CTNNA2: variants seen among roughly 807,000 people sequenced by gnomAD.
CTNNA2 encodes the protein catenin alpha-2.
In CTNNA2, 42 loss-of-function variants were observed where a neutral mutation model predicts 101.0. The ratio of observed to expected loss-of-function variants is 0.42; its 90% CI spans 0.32 to 0.54. The LOEUF is 0.54. Among genes scored for constraint, CTNNA2 ranks in the 20% least tolerant of loss-of-function variants. CTNNA2 has a pLI of 0.14. For synonymous variants in CTNNA2, 450 were observed against 456.4 expected (o/e 0.99, Z 0.18); for missense variants, 871 against 1,223.1 (o/e 0.71, Z 4.29).
rs1300072225 is a variant in CTNNA2, at chr2:80,363,860, C to T, written c.1057-29351C>T. 6.6e-5 allele frequency among the ~76,000 whole-genome samples: 10 copies of T among 152,190 alleles called. No individual in the cohort carries two copies. The East Asian group carries it at 1.9e-3, about 29-fold the overall frequency. ...AATTTATATCAACCATTCATTAATC[C>T]CATTTCCCTTCTCCCAATACCATTA... On this transcript the variant is annotated intron_variant, in intron 7 of 18. Coordinates refer to ENST00000402739, the MANE Select transcript of CTNNA2 (RefSeq NM_001282597.3).
intron 4 of CTNNA2, among the ~76,000 whole-genome samples, chr2:79,486,268 C>G (rs1268862740): frequency 1.4e-5 from 2 of 146,252 alleles, no homozygotes; most frequent in African/African-American, 5.1e-5. Flanking sequence ...TGTTCCCCTT[C>G]CTGTGTCCAT....
intron 7 of CTNNA2, among the ~76,000 whole-genome samples, chr2:80,183,642 C>T (rs2148984979): frequency 6.6e-6 from 1 of 152,190 alleles, no homozygotes; most frequent in Middle Eastern, 3.4e-3. Flanking sequence ...CTCACTGCAG[C>T]CGGATGTTGT....
At chr2:79,776,830 C>T (rs1674000036) in intron 3 of CTNNA2, among the ~76,000 whole-genome samples, 1 of 152,104 alleles carries the variant, frequency 6.6e-6, no homozygotes, top group African/African-American at 2.4e-5. Context: ...GAGCCAAACC[C>T]ACATGGAGTT....
chr2:79,927,294 A>C (rs1383667200), intron 7 of CTNNA2, among the ~76,000 whole-genome samples: 1 of 152,094 alleles, frequency 6.6e-6, no homozygotes, highest in East Asian at 1.9e-4. Context: ...TCATGATCAT[A>C]TTAGGTAATA....
intron 4 of CTNNA2, among the ~76,000 whole-genome samples, chr2:79,423,738 A>G (rs946140020): frequency 6.6e-6 from 1 of 152,230 alleles, no homozygotes; most frequent in Non-Finnish European, 1.5e-5. Context: ...CAACTTAGAG[A>G]TAAGGCTGAT....
intron 7 of CTNNA2, among the ~76,000 whole-genome samples, chr2:80,024,846 C>G (rs1383455495): frequency 2.6e-5 from 4 of 152,174 alleles, no homozygotes; most frequent in Non-Finnish European, 5.9e-5. Flanking sequence ...ATTTTACACT[C>G]TGTCACTTGG....
intron 9 of CTNNA2, among the ~76,000 whole-genome samples, chr2:80,427,971 T>C (rs1443762491): frequency 2.6e-5 from 4 of 152,220 alleles, no homozygotes; most frequent in South Asian, 2.1e-4. Flanking sequence ...AACTATGTGC[T>C]GTAGCACAAA....
chr2:80,191,978 A>G (rs563228562), intron 7 of CTNNA2, among the ~76,000 whole-genome samples: 9 of 152,346 alleles, frequency 5.9e-5, no homozygotes, highest in Non-Finnish European at 2.9e-5. Flanking sequence ...AGAAAGTAGA[A>G]TTATTCAGAG....
chr2:80,187,109 A>G (rs982092906), intron 7 of CTNNA2, among the ~76,000 whole-genome samples: 1 of 152,200 alleles, frequency 6.6e-6, no homozygotes, highest in Admixed American at 6.5e-5. Context: ...CCCATTCTGC[A>G]ATTGGTATTG....
At chr2:79,955,539 T>C (rs563247825) in intron 7 of CTNNA2, among the ~76,000 whole-genome samples, 21 of 152,322 alleles carry the variant, frequency 1.4e-4, no homozygotes, top group Middle Eastern at 3.4e-3. Context: ...TTGCAGTTTG[T>C]CTGCAAACAG....
At chr2:79,389,982 A>G (rs920158672) in intron 4 of CTNNA2, among the ~76,000 whole-genome samples, 11 of 151,472 alleles carry the variant, frequency 7.3e-5, no homozygotes, top group African/African-American at 2.5e-4. Flanking sequence ...AAAATATATA[A>G]AAGTCTAATT....
At chr2:80,581,943 C>G (rs1573354115) in intron 14 of CTNNA2, 124 bp downstream of exon 14, 1 of 632,604 alleles carries the variant, frequency 1.6e-6, no homozygotes, top group South Asian at 1.9e-5. Context: ...AATCTGTGCT[C>G]TCATCTGAGG....
At chr2:79,355,441 C>T (rs1677488058) in intron 3 of CTNNA2, among the ~76,000 whole-genome samples, 1 of 152,130 alleles carries the variant, frequency 6.6e-6, no homozygotes, top group Non-Finnish European at 1.5e-5. Flanking sequence ...ATATCTTTCC[C>T]TTCCTTGAAC....
intron 3 of CTNNA2, among the ~76,000 whole-genome samples, chr2:79,841,907 A>G (rs1057393477): frequency 4.6e-5 from 7 of 152,212 alleles, no homozygotes; most frequent in Non-Finnish European, 1.0e-4. Flanking sequence ...GATATCCATA[A>G]TATCATTAGT....
At chr2:79,724,385 T>C (rs924904325) in intron 2 of CTNNA2, among the ~76,000 whole-genome samples, 6 of 152,016 alleles carry the variant, frequency 3.9e-5, no homozygotes, top group African/African-American at 1.5e-4. Context: ...TTCATTTAAT[T>C]TTTGCTTTAG....
At chr2:79,496,391 T>C (rs142828110) in intron 4 of CTNNA2, among the ~76,000 whole-genome samples, 4 of 152,292 alleles carry the variant, frequency 2.6e-5, no homozygotes, top group East Asian at 1.9e-4. Context: ...AGAGAATAGA[T>C]ACTTTACAAG....
intron 2 of CTNNA2, among the ~76,000 whole-genome samples, chr2:79,291,506 C>G (rs1324215166): frequency 6.6e-6 from 1 of 152,146 alleles, no homozygotes; most frequent in Non-Finnish European, 1.5e-5. Flanking sequence ...GCCAGGCATC[C>G]ACTTCCCCTG....
intron 2 of CTNNA2, among the ~76,000 whole-genome samples, chr2:79,714,071 T>G (rs1261839700): frequency 6.6e-6 from 1 of 152,112 alleles, no homozygotes; most frequent in Non-Finnish European, 1.5e-5. Context: ...CTGGTGCCTT[T>G]GTGTATGGCA....
chr2:79,703,138 G>A (rs902698398), intron 2 of CTNNA2, among the ~76,000 whole-genome samples: 1 of 152,188 alleles, frequency 6.6e-6, no homozygotes, highest in African/African-American at 2.4e-5. Flanking sequence ...GGGACAATTA[G>A]TCTTTCTCCA....
Sources: gnomAD v4.1 joint callset for allele counts (sites outside exome capture counted in the v4.1 genomes callset) on GRCh38, gnomAD v4.1.1 for gene constraint, MANE v1.5 for transcripts, NCBI Gene and HGNC (gene_info 2026-07-23, HGNC 2026-07-21) for gene names.